The following DDO variants were observed in gnomAD, a reference collection of about 807,000 sequenced individuals.
DDO encodes the protein D-aspartate oxidase.
Under a neutral mutation model 16.8 loss-of-function variants are expected in DDO, and 16 were observed. That is an observed-to-expected ratio of 0.95 (90% confidence interval 0.65 to 1.45). The LOEUF (loss-of-function observed/expected upper bound fraction) is 1.45, where lower values mean the gene tolerates loss of function less well. DDO is among the 40% of genes most tolerant of loss of function. DDO has a pLI of 0.00. For synonymous variants in DDO, 180 were observed against 167.2 expected, an observed-to-expected ratio of 1.08 and a Z score of -0.59; for missense variants, 429 against 420.3, an observed-to-expected ratio of 1.02 and a Z score of -0.18.
At chr6:110,407,321 C>G (rs776471065) in intron 3 of DDO, among the ~76,000 whole-genome samples, 13 of 152,092 alleles carry the variant, frequency 8.5e-5, no homozygotes, top group Non-Finnish European at 1.5e-4. Context: ...TTTAGTTATA[C>G]AGAAGAATCA....
At chr6:110,413,144 A>G (rs953620373) in intron 2 of DDO, 147 bp downstream of exon 2, 3 of 982,736 alleles carry the variant, frequency 3.1e-6, no homozygotes, top group Admixed American at 2.9e-5. Flanking sequence ...CCCTGTCTCA[A>G]AAAAAGAGAA....
downstream of DDO, among the ~76,000 whole-genome samples, chr6:110,391,227 T>C (rs1773092611): frequency 6.6e-6 from 1 of 152,216 alleles, no homozygotes; most frequent in Non-Finnish European, 1.5e-5. Context: ...AAGAGCTTTC[T>C]CTTTCCCACA....
chr6:110,400,305 C>T (rs1373782488), intron 4 of DDO, among the ~76,000 whole-genome samples: 2 of 136,208 alleles, frequency 1.5e-5, no homozygotes, highest in Non-Finnish European at 3.1e-5. Context: ...CACTCTCTCT[C>T]GGAGTAGTGG....
chr6:110,396,529 C>T (rs1439366956), intron 4 of DDO, among the ~76,000 whole-genome samples: 3 of 151,962 alleles, frequency 2.0e-5, no homozygotes, highest in Non-Finnish European at 4.4e-5. Context: ...TTCTAAAAAT[C>T]CAAGGAAGGG....
At chr6:110,403,711 C>G (rs1410820528) in intron 4 of DDO, among the ~76,000 whole-genome samples, 1 of 152,200 alleles carries the variant, frequency 6.6e-6, no homozygotes, top group Admixed American at 6.5e-5. Flanking sequence ...CTCCTTTCTG[C>G]TCCCATTCTA....
Position 110,398,414 on chromosome 6 carries a change from AC to A in DDO, c.459-5073del, listed in dbSNP as rs1562260020. Among the ~76,000 whole-genome samples, 671 of 150,084 alleles carry A rather than the reference AC, an allele frequency of 4.5e-3. 12 individuals carry two copies. The highest frequency in any genetic ancestry group is 0.015 in the African/African-American group (610 of 40,098). ...CACACACACACACACACACACACAC[AC>A]ACACACACACACTTGGCCTCCCAGG... is the stretch of plus-strand genomic sequence containing the variant. On this transcript the variant is annotated intron_variant, in intron 4 of 4. Transcript: ENST00000368924.
chr6:110,393,443 T>G, intron 4 of DDO, 101 bp from the exon 5 acceptor site: 1 of 1,465,056 alleles, frequency 6.8e-7, no homozygotes, highest in Non-Finnish European at 9.0e-7. Flanking sequence ...TAGGTGATGA[T>G]CTGATGAACA....
At chr6:110,400,408 G>C (rs890897295) in intron 4 of DDO, among the ~76,000 whole-genome samples, 1 of 151,928 alleles carries the variant, frequency 6.6e-6, no homozygotes, top group Non-Finnish European at 1.5e-5. Flanking sequence ...AGAGGAGGAC[G>C]CTGCCCACGA....
intron 2 of DDO, among the ~76,000 whole-genome samples, chr6:110,411,316 A>T (rs541430092): frequency 6.6e-6 from 1 of 152,332 alleles, no homozygotes; most frequent in South Asian, 2.1e-4. Flanking sequence ...ATCAGCAGAC[A>T]GGTAAAGAAT....
At chr6:110,415,430 G>C in intron 1 of DDO, 37 bp downstream of exon 1, 1 of 1,612,352 alleles carries the variant, frequency 6.2e-7, no homozygotes, top group Non-Finnish European at 8.5e-7. Context: ...GAGCATGGAC[G>C]GAACGACCCC....
At position 110,414,149 on chromosome 6, in the gene DDO, T is replaced by C. The variant is rs368039904; in HGVS notation, c.-4-683A>G. On this transcript the variant is annotated intron_variant, in intron 1 of 4. Coordinates refer to ENST00000368924, the MANE Select transcript of DDO (RefSeq NM_001372108.2). Reference sequence around the variant, plus strand: ...GACAGAAAACCACAGAGCTGTAGTCTTTGCTCCCAGAACTACCTGAGGAGC... The same window carrying C: ...GACAGAAAACCACAGAGCTGTAGTCCTTGCTCCCAGAACTACCTGAGGAGC... Among the ~76,000 whole-genome samples, 3 of 152,286 alleles carry C rather than the reference T, an allele frequency of 2.0e-5. 1 individual carries two copies. The highest frequency in any genetic ancestry group is 6.5e-5 in the Admixed American group (1 of 15,302).
At chr6:110,414,845 C>G (rs946741956) in intron 1 of DDO, among the ~76,000 whole-genome samples, 8 of 152,240 alleles carry the variant, frequency 5.3e-5, no homozygotes, top group Admixed American at 6.5e-5. Flanking sequence ...AAACCATGGC[C>G]ACCCACACAC....
intron 4 of DDO, among the ~76,000 whole-genome samples, chr6:110,394,279 G>A (rs1341432267): frequency 2.0e-5 from 3 of 151,914 alleles, no homozygotes; most frequent in Admixed American, 1.3e-4. Flanking sequence ...TAATTTTTTT[G>A]TATTTTTGAT....
chr6:110,388,940 A>C (rs1469933641), downstream of DDO: 3 of 393,312 alleles, frequency 7.6e-6, no homozygotes, highest in Non-Finnish European at 1.0e-5. Flanking sequence ...CTTTGAAGTA[A>C]ATGAAGATAA....
At chr6:110,397,347 GAA>G (rs999133703) in intron 4 of DDO, among the ~76,000 whole-genome samples, 5 of 152,208 alleles carry the variant, frequency 3.3e-5, no homozygotes, top group Admixed American at 6.5e-5. Flanking sequence ...TTTCAATTTT[GAA>G]AAGTTTTAAC....
chr6:110,401,135 C>A lies in DDO; in HGVS notation c.458+3639G>T, dbSNP rs528856194. ...TGCTTCCCGGCATGCTCCTGGGCCC[C>A]TTTGCTGCCATGTGAAGATGCAGGA... On this transcript the variant is annotated intron_variant, in intron 4 of 4. Transcript: ENST00000368924. Among the ~76,000 whole-genome samples the A allele has an allele frequency of 3.9e-3, 587 of 152,320 alleles. 8 individuals carry two copies. Among genetic ancestry groups the A allele is most frequent in the African/African-American group, 0.014 (565 of 41,566 alleles).
chr6:110,404,506 G>A (rs1162502607), intron 4 of DDO, among the ~76,000 whole-genome samples: 1 of 152,104 alleles, frequency 6.6e-6, no homozygotes, highest in Non-Finnish European at 1.5e-5. Context: ...GTTTTACCTG[G>A]GGCAAGAAGG....
intron 4 of DDO, among the ~76,000 whole-genome samples, chr6:110,402,652 T>A (rs902863489): frequency 1.3e-5 from 2 of 152,166 alleles, no homozygotes; most frequent in Admixed American, 6.5e-5. Flanking sequence ...AGAGGAAAAC[T>A]GCAACTTACT....
chr6:110,415,373 T>TCCATCACTGTCCCCTGA, intron 1 of DDO, 94 bp downstream of exon 1: 3 of 1,522,164 alleles, frequency 2.0e-6, no homozygotes, highest in Non-Finnish European at 1.8e-6. Context: ...CAGTGGCCTG[T>TCCATCACTGTCCCCTGA]CCATCACTGT....
Sources: gnomAD v4.1 joint callset for allele counts (sites outside exome capture counted in the v4.1 genomes callset) on GRCh38, gnomAD v4.1.1 for gene constraint, MANE v1.5 for transcripts, NCBI Gene and HGNC (gene_info 2026-07-23, HGNC 2026-07-21) for gene names.